The following ZNF385D variants were observed in gnomAD, a reference collection of about 807,000 sequenced individuals.
The protein encoded by ZNF385D is zinc finger protein 385D.
A neutral mutation model predicts 35.8 loss-of-function variants in ZNF385D; 15 were observed. That is an observed-to-expected ratio of 0.42 (90% CI 0.28 to 0.64). The LOEUF (loss-of-function observed/expected upper bound fraction) is 0.64. Among genes scored for constraint, ZNF385D ranks in the 30% least tolerant of loss-of-function variants. ZNF385D has a pLI of 0.23. For missense variants in ZNF385D, 474 were observed against 494.6 expected, an observed-to-expected ratio of 0.96 and a Z score of 0.39; for synonymous variants, 212 against 186.8, an observed-to-expected ratio of 1.13 and a Z score of -1.10.
intron 2 of ZNF385D, among the ~76,000 whole-genome samples, chr3:21,584,029 G>A (rs956673157): frequency 2.7e-5 from 4 of 150,734 alleles, no homozygotes; most frequent in African/African-American, 4.9e-5. Context: ...GCTGGAGTGC[G>A]ATGGCGTGAT....
At chr3:21,959,144 T>C (rs1702447284) in intron 3 of ZNF385D, among the ~76,000 whole-genome samples, 1 of 152,198 alleles carries the variant, frequency 6.6e-6, no homozygotes, top group Non-Finnish European at 1.5e-5. Flanking sequence ...AAATAACATA[T>C]AATTCCAGGC....
rs935363986 is a variant in ZNF385D, at chr3:22,004,407, CAACAAA to C, written c.325+164404_325+164409del. 1.3e-4 allele frequency among the ~76,000 whole-genome samples: 20 copies of C among 152,122 alleles called. 1 individual carries two copies. In the South Asian group the frequency reaches 1.5e-3, roughly 11 times the overall value. On this transcript the variant is annotated intron_variant, in intron 3 of 5. Coordinates refer to the ZNF385D transcript ENST00000494108. ...ATGGCCTAGACTTCAAAAGCACAAG[CAACAAA>C]AACAAAAATAGACAAATGAGATTAT...
intron 1 of ZNF385D, among the ~76,000 whole-genome samples, chr3:21,686,688 T>C (rs1024578340): frequency 1.4e-4 from 21 of 152,226 alleles, no homozygotes; most frequent in Admixed American, 1.3e-4. Context: ...TAATTTTAAG[T>C]GTGCAGTCGC....
intron 2 of ZNF385D, among the ~76,000 whole-genome samples, chr3:22,264,440 G>T (rs1370913699): frequency 6.6e-6 from 1 of 151,958 alleles, no homozygotes; most frequent in East Asian, 1.9e-4. Context: ...AAAGACTAGG[G>T]ATCTGAATCT....
At chr3:22,175,613 A>G (rs1039354820) in intron 2 of ZNF385D, among the ~76,000 whole-genome samples, 1 of 151,964 alleles carries the variant, frequency 6.6e-6, no homozygotes, top group African/African-American at 2.4e-5. Context: ...TTTTATTCAT[A>G]AAACTTGTGA....
At chr3:21,968,674 T>G (rs1703051440) in intron 3 of ZNF385D, among the ~76,000 whole-genome samples, 1 of 152,194 alleles carries the variant, frequency 6.6e-6, no homozygotes, top group Non-Finnish European at 1.5e-5. Context: ...ATTCATCACC[T>G]ACTGACTAGA....
Position 21,566,907 on chromosome 3 carries a change from G to C in ZNF385D, c.166-2223C>G, listed in dbSNP as rs529532681. On this transcript the variant is annotated intron_variant, in intron 2 of 7. Transcript: ENST00000281523. The stretch of plus-strand genomic sequence containing the variant: ...GCTTTCTATGTATTTTTCCATTTCT[G>C]TCTCAGTATTTTGCCATTTCACATA... Among the ~76,000 whole-genome samples the C allele has an allele frequency of 2.8e-3, 420 of 152,160 alleles. 1 individual carries two copies. Among genetic ancestry groups the C allele is most frequent in the Middle Eastern group, 6.8e-3 (2 of 294 alleles).
intron 3 of ZNF385D, among the ~76,000 whole-genome samples, chr3:22,039,403 G>C (rs954856123): frequency 2.6e-5 from 4 of 152,026 alleles, no homozygotes; most frequent in Admixed American, 2.0e-4. Flanking sequence ...TTCTCAACTA[G>C]TACATGGTAA....
In ZNF385D at chr3:21,940,519, T is replaced by C. The variant is rs185695705; in HGVS notation, c.325+228298A>G. On this transcript the variant is annotated intron_variant, in intron 3 of 5. Coordinates refer to the ZNF385D transcript ENST00000494108. ...CGTTCAACATTCAAGTCAACAAAGTTTATATTTTATGCCAGAAACTCTGCT... is the reference window on the plus strand; with the variant it reads ...CGTTCAACATTCAAGTCAACAAAGTCTATATTTTATGCCAGAAACTCTGCT... 7.2e-5 allele frequency among the ~76,000 whole-genome samples: 11 copies of C among 152,298 alleles called. No homozygotes were observed. The East Asian group carries it at 1.9e-3, about 27-fold the overall frequency.
intron 3 of ZNF385D, among the ~76,000 whole-genome samples, chr3:21,517,572 T>C (rs1245711336): frequency 6.6e-6 from 1 of 152,142 alleles, no homozygotes; most frequent in East Asian, 1.9e-4. Context: ...AAACCTTGAA[T>C]TTGAAAGGAT....
intron 3 of ZNF385D, among the ~76,000 whole-genome samples, chr3:22,158,037 A>C (rs1705703143): frequency 6.6e-6 from 1 of 152,096 alleles, no homozygotes; most frequent in Non-Finnish European, 1.5e-5. Flanking sequence ...TGTAAGATGA[A>C]AGAGGGAATT....
intron 3 of ZNF385D, among the ~76,000 whole-genome samples, chr3:21,952,487 C>G (rs1200117698): frequency 1.4e-4 from 22 of 151,990 alleles, no homozygotes; most frequent in Admixed American, 1.4e-3. Flanking sequence ...AAAAAATGGA[C>G]TATACTTTTA....
At chr3:22,096,159 G>C (rs1701611626) in intron 3 of ZNF385D, among the ~76,000 whole-genome samples, 1 of 151,742 alleles carries the variant, frequency 6.6e-6, no homozygotes, top group African/African-American at 2.4e-5. Context: ...TTGTTTAGAG[G>C]GGGAAGGGAG....
intron 2 of ZNF385D, among the ~76,000 whole-genome samples, chr3:22,322,123 T>G (rs942453569): frequency 6.6e-6 from 1 of 152,172 alleles, no homozygotes; most frequent in African/African-American, 2.4e-5. Context: ...TTTAGTTTCA[T>G]TCACACTTTT....
At chr3:21,525,322 G>A (rs749293149) in intron 3 of ZNF385D, among the ~76,000 whole-genome samples, 9 of 151,976 alleles carry the variant, frequency 5.9e-5, no homozygotes, top group African/African-American at 9.7e-5. Context: ...TGCATTTGGC[G>A]TGTATTTTTT....
chr3:21,752,787 C>A (rs2070164768), upstream of ZNF385D, among the ~76,000 whole-genome samples: 1 of 152,048 alleles, frequency 6.6e-6, no homozygotes, highest in South Asian at 2.1e-4. Flanking sequence ...AAAATAAAAA[C>A]AATGTTACGG....
At chr3:22,028,949 C>T (rs914512768) in intron 3 of ZNF385D, among the ~76,000 whole-genome samples, 3 of 152,118 alleles carry the variant, frequency 2.0e-5, no homozygotes, top group Non-Finnish European at 2.9e-5. Flanking sequence ...TACTGTTTCT[C>T]CCATAGCCAT....
At chr3:22,234,982 T>G (rs1482864842) in intron 2 of ZNF385D, among the ~76,000 whole-genome samples, 2 of 152,058 alleles carry the variant, frequency 1.3e-5, no homozygotes, top group Non-Finnish European at 2.9e-5. Context: ...AAATTTAAGT[T>G]TTTATTTCAT....
intron 5 of ZNF385D, among the ~76,000 whole-genome samples, chr3:21,435,845 C>G (rs1443479376): frequency 6.6e-6 from 1 of 152,142 alleles, no homozygotes; most frequent in Non-Finnish European, 1.5e-5. Flanking sequence ...CATGAACTCT[C>G]TCATTACAAC....
Sources: allele counts gnomAD v4.1 joint callset (sites outside exome capture counted in the v4.1 genomes callset), GRCh38; gene constraint gnomAD v4.1.1; transcripts MANE v1.5; gene names NCBI Gene and HGNC (gene_info 2026-07-23, HGNC 2026-07-21).